Variants in SCMH1 observed in about 807,000 individuals in gnomAD.
SCMH1 encodes Scm polycomb group protein homolog 1.
A neutral mutation model predicts 70.8 loss-of-function variants in SCMH1; 37 were observed. That is an observed-to-expected ratio of 0.52 (90% CI 0.40 to 0.69). The LOEUF (loss-of-function observed/expected upper bound fraction) is 0.69, where lower values mean the gene tolerates loss of function less well. Among genes scored for constraint, SCMH1 ranks in the 30% least tolerant of loss-of-function variants. The pLI is 0.00. For synonymous variants in SCMH1, 292 were observed against 307.4 expected, an observed-to-expected ratio of 0.95 and a Z score of 0.52; for missense variants, 607 against 827.3, an observed-to-expected ratio of 0.73 and a Z score of 3.27.
At chr1:41,216,491 G>C (rs564581665) in intron 1 of SCMH1, among the ~76,000 whole-genome samples, 2 of 152,232 alleles carry the variant, frequency 1.3e-5, no homozygotes, top group South Asian at 2.1e-4. Context: ...TGCATGAGGA[G>C]GAAACCAAGA....
chr1:41,144,666 T>C (rs1162815368), intron 5 of SCMH1, among the ~76,000 whole-genome samples: 1 of 152,190 alleles, frequency 6.6e-6, no homozygotes, highest in Non-Finnish European at 1.5e-5. Context: ...ACACTTTGGG[T>C]AACCTCTGAA....
chr1:41,145,963 ATTATT>A (rs1644516364), intron 5 of SCMH1, among the ~76,000 whole-genome samples: 2 of 152,234 alleles, frequency 1.3e-5, no homozygotes, highest in South Asian at 4.1e-4. Context: ...ATTTTAAATC[ATTATT>A]TTAGAGTGTA....
chr1:41,231,705 A>C (rs1219357831), intron 1 of SCMH1, among the ~76,000 whole-genome samples: 1 of 152,072 alleles, frequency 6.6e-6, no homozygotes, highest in East Asian at 1.9e-4. Flanking sequence ...TTGTTTGATG[A>C]CTTTAACAGT....
At chr1:41,093,983 A>G (rs967281719) in intron 8 of SCMH1, among the ~76,000 whole-genome samples, 2 of 152,216 alleles carry the variant, frequency 1.3e-5, no homozygotes, top group African/African-American at 4.8e-5. Flanking sequence ...TTGTCTTGTT[A>G]GTCATTCTTT....
chr1:41,117,517 G>C (rs1163419319), intron 6 of SCMH1, among the ~76,000 whole-genome samples: 1 of 148,572 alleles, frequency 6.7e-6, no homozygotes, highest in Non-Finnish European at 1.5e-5. Flanking sequence ...CCCCGGGGAA[G>C]TTTAGAGAAG....
intron 8 of SCMH1, among the ~76,000 whole-genome samples, chr1:41,106,127 G>T (rs1667849888): frequency 1.3e-5 from 2 of 151,750 alleles, no homozygotes; most frequent in South Asian, 4.1e-4. Context: ...TGCCCGCCTC[G>T]GCCTCCCAAA....
intron 8 of SCMH1, among the ~76,000 whole-genome samples, chr1:41,097,353 C>T (rs992404317): frequency 1.3e-5 from 2 of 152,206 alleles, no homozygotes; most frequent in Admixed American, 1.3e-4. Context: ...GTTTCCCTAG[C>T]ATTTGATCTT....
At chr1:41,099,717 CTTAGT>C (rs972263420) in intron 8 of SCMH1, among the ~76,000 whole-genome samples, 5 of 152,138 alleles carry the variant, frequency 3.3e-5, no homozygotes, top group African/African-American at 4.8e-5. Flanking sequence ...CTCCATAAAT[CTTAGT>C]TTCTTATTCT....
At chr1:41,116,792 A>G in intron 7 of SCMH1, 130 bp downstream of exon 7, 1 of 571,792 alleles carries the variant, frequency 1.7e-6, no homozygotes, top group East Asian at 3.1e-5. Flanking sequence ...CTGCTTCATA[A>G]GCTACTAAAA....
At chr1:41,161,296 C>A in intron 3 of SCMH1, 68 bp downstream of exon 3, 1 of 1,544,390 alleles carries the variant, frequency 6.5e-7, no homozygotes, top group South Asian at 1.2e-5. Flanking sequence ...CCTCTAACAA[C>A]GAAGGTTTTA....
At chr1:41,100,040 T>G (rs1286570259) in intron 8 of SCMH1, among the ~76,000 whole-genome samples, 1 of 152,176 alleles carries the variant, frequency 6.6e-6, no homozygotes, top group Non-Finnish European at 1.5e-5. Flanking sequence ...AATAAGACTG[T>G]GTCTATAGGT....
chr1:41,051,855 G>C (rs1229650003), intron 10 of SCMH1, among the ~76,000 whole-genome samples: 1 of 152,056 alleles, frequency 6.6e-6, no homozygotes, highest in African/African-American at 2.4e-5. Flanking sequence ...ATTTAGTGTA[G>C]CCAAAGTGTA....
At chr1:41,230,653 A>G (rs1661129602) in intron 1 of SCMH1, among the ~76,000 whole-genome samples, 1 of 150,242 alleles carries the variant, frequency 6.7e-6, no homozygotes. Flanking sequence ...GCAAGACCCT[A>G]TGTCTTAAAA....
intron 6 of SCMH1, among the ~76,000 whole-genome samples, chr1:41,121,233 A>AT (rs1557536612): frequency 1.3e-5 from 2 of 152,224 alleles, no homozygotes; most frequent in South Asian, 2.1e-4. Context: ...ATTGGCTATT[A>AT]TTTTTGTAAC....
chr1:41,036,306 C>T (rs1037828850), intron 13 of SCMH1, among the ~76,000 whole-genome samples: 2 of 152,168 alleles, frequency 1.3e-5, no homozygotes, highest in African/African-American at 2.4e-5. Flanking sequence ...GCTCCCCCAC[C>T]TTCCTTCTCT....
chr1:41,030,397 G>A (rs4660499), intron 13 of SCMH1, among the ~76,000 whole-genome samples: 152,131 of 152,270 alleles, frequency 1, 75,997 homozygotes, highest in Middle Eastern at 1. Flanking sequence ...TCACTCTGCA[G>A]CCCCTGCCCG....
intron 2 of SCMH1, among the ~76,000 whole-genome samples, chr1:41,177,827 C>A (rs948819663): frequency 2.0e-5 from 3 of 152,128 alleles, no homozygotes; most frequent in African/African-American, 4.8e-5. Flanking sequence ...AGGATATTAT[C>A]CAGGAGAACT....
intron 9 of SCMH1, among the ~76,000 whole-genome samples, chr1:41,074,071 T>A (rs1294198036): frequency 1.4e-5 from 2 of 143,034 alleles, no homozygotes; most frequent in East Asian, 4.0e-4. Flanking sequence ...CTGACAGAAG[T>A]CTTTTTTTTT....
intron 1 of SCMH1, among the ~76,000 whole-genome samples, chr1:41,224,641 A>G (rs1659921673): frequency 6.6e-6 from 1 of 152,212 alleles, no homozygotes; most frequent in African/African-American, 2.4e-5. Flanking sequence ...CCAATGATAC[A>G]GGCATTAATA....
Sources: allele counts gnomAD v4.1 joint callset (sites outside exome capture counted in the v4.1 genomes callset), GRCh38; gene constraint gnomAD v4.1.1; transcripts MANE v1.5; gene names NCBI Gene and HGNC (gene_info 2026-07-23, HGNC 2026-07-21).